SLC1A6: variants seen among roughly 807,000 people sequenced by gnomAD.
The protein encoded by SLC1A6 is excitatory amino acid transporter 4.
SLC1A6 carries 15 observed loss-of-function variants against 42.1 expected under a neutral mutation model. That is an observed-to-expected ratio of 0.36 (90% CI 0.24 to 0.55). SLC1A6 has a LOEUF of 0.55. SLC1A6 is among the 20% of genes least tolerant of loss of function. SLC1A6 has a pLI of 0.88. For synonymous variants in SLC1A6, 317 were observed against 319.7 expected (o/e 0.99, Z 0.09); for missense variants, 542 against 772.5 (o/e 0.70, Z 3.54).
intron 1 of SLC1A6, among the ~76,000 whole-genome samples, chr19:14,993,053 A>G (rs968887224): frequency 2.0e-5 from 3 of 152,084 alleles, no homozygotes; most frequent in Admixed American, 6.6e-5. Context: ...TGGGAGGAGG[A>G]CCAGGTCTCC....
chr19:14,997,578 C>T (rs887307610), intron 1 of SLC1A6, among the ~76,000 whole-genome samples: 12 of 152,276 alleles, frequency 7.9e-5, no homozygotes, highest in Middle Eastern at 3.4e-3. Context: ...GCCAAGAGAG[C>T]AAGTGGCTGC....
intron 7 of SLC1A6, among the ~76,000 whole-genome samples, chr19:14,955,985 T>C (rs550432902): frequency 6.6e-6 from 1 of 152,268 alleles, no homozygotes; most frequent in African/African-American, 2.4e-5. Context: ...TGTGCTACTT[T>C]TCAAATTTGT....
At chr19:14,956,122 A>G (rs2045460735) in intron 7 of SLC1A6, among the ~76,000 whole-genome samples, 1 of 152,040 alleles carries the variant, frequency 6.6e-6, no homozygotes, top group African/African-American at 2.4e-5. Flanking sequence ...AGGAGAAGGA[A>G]GAAGCAGCAG....
chr19:15,007,469 G>A (rs1449552126), intron 1 of SLC1A6, among the ~76,000 whole-genome samples: 1 of 152,094 alleles, frequency 6.6e-6, no homozygotes, highest in Non-Finnish European at 1.5e-5. Flanking sequence ...TACAAGTGGT[G>A]ATTGCACCAC....
chr19:14,983,044 G>A (rs992386232), upstream of SLC1A6, among the ~76,000 whole-genome samples: 5 of 152,048 alleles, frequency 3.3e-5, no homozygotes, highest in African/African-American at 1.2e-4. Context: ...CATTATTCAC[G>A]GATTCTGTAT....
chr19:14,968,281 G>A (rs768552366), intron 4 of SLC1A6, 22 bp downstream of exon 4: 1 of 1,563,232 alleles, frequency 6.4e-7, no homozygotes, highest in Admixed American at 1.7e-5. Context: ...TGTGTATATT[G>A]TGGTTTTTTA....
intron 1 of SLC1A6, among the ~76,000 whole-genome samples, chr19:14,978,704 A>G (rs994803641): frequency 2.6e-5 from 4 of 151,660 alleles, no homozygotes; most frequent in African/African-American, 9.7e-5. Context: ...TGCCACATTC[A>G]TGTACACCCT....
chr19:15,006,532 A>C (rs868776888), intron 1 of SLC1A6, among the ~76,000 whole-genome samples: 119 of 151,774 alleles, frequency 7.8e-4, no homozygotes, highest in Middle Eastern at 3.4e-3. Context: ...CTGGTTGCCC[A>C]TCTTATTCCC....
At chr19:14,976,674 G>A (rs2045714522) in intron 1 of SLC1A6, 1 of 152,122 alleles carries the variant, frequency 6.6e-6, no homozygotes, top group Non-Finnish European at 1.5e-5. Flanking sequence ...ATGAGCCACA[G>A]CGCCCGGCTG....
chr19:15,000,414 T>C (rs1244569012), intron 1 of SLC1A6, among the ~76,000 whole-genome samples: 1 of 152,210 alleles, frequency 6.6e-6, no homozygotes. Context: ...TTTTATTCTG[T>C]TTCTATCAGT....
At chr19:14,965,863 A>AG (rs1054101850) in intron 4 of SLC1A6, among the ~76,000 whole-genome samples, 3 of 151,806 alleles carry the variant, frequency 2.0e-5, no homozygotes, top group Admixed American at 6.6e-5. Flanking sequence ...AAAAAAAAAA[A>AG]AAAGAAAGAA....
chr19:14,956,349 C>G, intron 7 of SLC1A6, 127 bp downstream of exon 7: 1 of 606,820 alleles, frequency 1.6e-6, no homozygotes, highest in African/African-American at 1.9e-5. Flanking sequence ...ACATTATGAG[C>G]CCTGGACATT....
intron 2 of SLC1A6, 110 bp downstream of exon 2, chr19:14,972,596 T>A: frequency 1.2e-6 from 1 of 831,504 alleles, no homozygotes; most frequent in Non-Finnish European, 2.0e-6. Context: ...CTGGGACGTG[T>A]GTGCAGGTGA....
At position 14,954,346 on chromosome 19, in the gene SLC1A6, A is replaced by G. The variant is rs1335397939; in HGVS notation, c.1170-17T>C. 6.2e-7 allele frequency: 1 copy of G among 1,601,932 alleles called. No homozygotes were observed. The highest frequency in any genetic ancestry group is 8.5e-7 in the Non-Finnish European group (1 of 1,179,160). ...GTTGCCGAGCTGGGGGAAAGAGCCC[A>G]GGACTGAGGATGGGGCGTGGCCTGG... is the stretch of plus-strand genomic sequence containing the variant. On this transcript the variant is annotated splice_polypyrimidine_tract_variant and intron_variant, in intron 7 of 9. Coordinates refer to ENST00000594383, the MANE Select transcript of SLC1A6 (RefSeq NM_005071.3).
At chr19:14,951,966 C>A (rs975367506) in intron 9 of SLC1A6, among the ~76,000 whole-genome samples, 1 of 134,524 alleles carries the variant, frequency 7.4e-6, no homozygotes, top group Non-Finnish European at 1.6e-5. Flanking sequence ...AGGTGCGCCA[C>A]CACACCCAGC....
chr19:14,974,295 T>G (rs2045679155), intron 1 of SLC1A6: 1 of 151,366 alleles, frequency 6.6e-6, no homozygotes, highest in Admixed American at 6.6e-5. Context: ...AGGTGGAGGT[T>G]GCAGTGAACC....
intron 1 of SLC1A6, among the ~76,000 whole-genome samples, chr19:14,995,354 AAAGAAAG>A (rs1317787360): frequency 1.1e-4 from 14 of 126,094 alleles, no homozygotes; most frequent in Non-Finnish European, 1.7e-4. Context: ...AGAAAGAAAG[AAAGAAAG>A]AAAGAAAAGG....
At chr19:14,997,134 T>G (rs1383277746) in intron 1 of SLC1A6, among the ~76,000 whole-genome samples, 2 of 152,110 alleles carry the variant, frequency 1.3e-5, no homozygotes, top group African/African-American at 4.8e-5. Context: ...CAGACAAAAC[T>G]CAGTCATCCC....
At chr19:14,991,261 G>C (rs1407786338) in intron 1 of SLC1A6, among the ~76,000 whole-genome samples, 1 of 152,062 alleles carries the variant, frequency 6.6e-6, no homozygotes, top group Non-Finnish European at 1.5e-5. Flanking sequence ...ACTTCCTTTT[G>C]GGGCGATTGA....
Sources: allele counts gnomAD v4.1 joint callset (sites outside exome capture counted in the v4.1 genomes callset), GRCh38; gene constraint gnomAD v4.1.1; transcripts MANE v1.5; gene names NCBI Gene and HGNC (gene_info 2026-07-23, HGNC 2026-07-21).